Variants in SMPD4 observed in about 807,000 individuals in gnomAD.
The protein encoded by SMPD4 is sphingomyelin phosphodiesterase 4.
A neutral mutation model predicts 97.8 loss-of-function variants in SMPD4; 58 were observed. That is an observed-to-expected ratio of 0.59 (90% confidence interval 0.48 to 0.74). The LOEUF (loss-of-function observed/expected upper bound fraction) is 0.74, where lower values mean the gene tolerates loss of function less well. SMPD4 is among the 30% of genes least tolerant of loss of function. The pLI is 0.00. For synonymous variants in SMPD4, 388 were observed against 450.0 expected (o/e 0.86, Z 1.74); for missense variants, 853 against 1,080.5 (o/e 0.79, Z 2.95).
At chr2:130,158,219 C>T (rs570052677) in intron 11 of SMPD4, 53 of 1,288,830 alleles carry the variant, frequency 4.1e-5, no homozygotes, top group South Asian at 2.3e-4. Flanking sequence ...GATGAGAACT[C>T]GGCCCAGTAG....
At chr2:130,154,039 TGG>T in intron 16 of SMPD4, 104 bp from the exon 17 acceptor site, 1 of 1,208,368 alleles carries the variant, frequency 8.3e-7, no homozygotes, top group Non-Finnish European at 1.2e-6. Context: ...TCAGGAGGAG[TGG>T]CTTCTGCCAG....
intron 1 of SMPD4, chr2:130,181,296 C>T: frequency 7.1e-7 from 1 of 1,402,342 alleles, no homozygotes; most frequent in Non-Finnish European, 9.2e-7. Context: ...GAACACCTAC[C>T]GGACCGGGAC....
intron 11 of SMPD4, 134 bp from the exon 12 acceptor site, chr2:130,157,530 G>A: frequency 4.7e-6 from 7 of 1,496,794 alleles, no homozygotes; most frequent in Non-Finnish European, 5.4e-6. Flanking sequence ...CAGGCCAGGA[G>A]TGGGGCCACC....
chr2:130,181,583 C>T lies in SMPD4; in HGVS notation c.-99G>A, dbSNP rs747631517. 2 of 1,605,696 alleles carry T rather than the reference C, an allele frequency of 1.2e-6. No individual in the cohort carries two copies. The highest frequency in any genetic ancestry group is 1.7e-5 in the Admixed American group (1 of 59,054). On this transcript the variant is annotated 5_prime_UTR_variant, in exon 1 of 20. In the 5' UTR this introduces an upstream ATG that the reference lacks. Coordinates refer to ENST00000680298, the MANE Select transcript of SMPD4 (RefSeq NM_017951.5). ...AGAGATGGAAGCCGCCATTCCGCCA[C>T]GGCGCCGAAAGTCGTCATCAAGCTG...
chr2:130,165,013 G>T (rs1687785471), intron 9 of SMPD4, among the ~76,000 whole-genome samples: 1 of 151,056 alleles, frequency 6.6e-6, no homozygotes, highest in African/African-American at 2.4e-5. Flanking sequence ...GGGAGTCTGA[G>T]GTGGGAGGAT....
intron 14 of SMPD4, 42 bp downstream of exon 14, chr2:130,155,993 G>T (rs771064272): frequency 1.3e-6 from 2 of 1,584,910 alleles, no homozygotes; most frequent in Non-Finnish European, 1.7e-6. Context: ...ATATCCACCT[G>T]GGGGAGCCAG....
At chr2:130,169,087 T>A (rs575917088) in intron 8 of SMPD4, among the ~76,000 whole-genome samples, 203 of 152,254 alleles carry the variant, frequency 1.3e-3, no homozygotes, top group Non-Finnish European at 2.6e-3. Flanking sequence ...GGCACCTTTT[T>A]AACCCAGTGA....
intron 3 of SMPD4, among the ~76,000 whole-genome samples, 200 bp downstream of exon 3, chr2:130,174,714 A>G (rs1688803576): frequency 6.6e-6 from 1 of 152,186 alleles, no homozygotes; most frequent in Non-Finnish European, 1.5e-5. Context: ...TGAGGAACAG[A>G]GCATCTGTGG....
chr2:130,156,679 C>T lies in SMPD4; in HGVS notation c.1098-4G>A, dbSNP rs371885470. The T allele has an allele frequency of 2.7e-5, 44 of 1,612,480 alleles. No individual in the cohort carries two copies. Among genetic ancestry groups the T allele is most frequent in the Non-Finnish European group, 3.5e-5 (41 of 1,179,240 alleles). On this transcript the variant is annotated splice_polypyrimidine_tract_variant and splice_region_variant and intron_variant, in intron 12 of 19. Coordinates refer to ENST00000680298, the MANE Select transcript of SMPD4 (RefSeq NM_017951.5). The stretch of plus-strand genomic sequence containing the variant: ...GACGAACCTCGGGACAGCAGCCCTG[C>T]AGGGGATGGGGAGGGTCACCTGCTG...
chr2:130,175,065 T>C (rs1688841639), intron 2 of SMPD4, 65 bp from the exon 3 acceptor site: 2 of 1,170,698 alleles, frequency 1.7e-6, no homozygotes, highest in Admixed American at 3.4e-5. Context: ...AGTGGCACTC[T>C]GGCTTGAGTC....
In SMPD4 at chr2:130,156,074, G is replaced by T. The variant is rs373921950; in HGVS notation, c.1250C>A (p.Pro417Gln). 1.9e-6 allele frequency: 3 copies of T among 1,611,322 alleles called. No individual in the cohort carries two copies. Among genetic ancestry groups the T allele is most frequent in the Non-Finnish European group, 2.5e-6 (3 of 1,179,910 alleles). The stretch of plus-strand genomic sequence containing the variant: ...ACACCGGGGCTGGGAGTCGCTGCCC[G>T]GAGCCTGCTTGTCAGGCGCGTACCG... ...PWRYAPDKQA[P>Q]GSDSQPRCVS... The change falls in exon 14 of 20, where the codon CCG becomes CAG. Residue 417 changes from proline (P) to glutamine (Q), a missense_variant. Transcript: ENST00000680298.
chr2:130,177,591 G>A (rs572037372), intron 1 of SMPD4, among the ~76,000 whole-genome samples: 12 of 152,010 alleles, frequency 7.9e-5, no homozygotes, highest in African/African-American at 2.9e-4. Context: ...CAGCTACTCA[G>A]GAGGCTGAGA....
chr2:130,154,753 G>A (rs111583358), intron 15 of SMPD4: 12,720 of 581,390 alleles, frequency 0.022, 193 homozygotes, highest in African/African-American at 0.041. Context: ...ACCCAGCCAG[G>A]ATGAATGCAA....
chr2:130,155,665 CAG>C (rs1453396537), intron 14 of SMPD4, among the ~76,000 whole-genome samples: 1 of 151,922 alleles, frequency 6.6e-6, no homozygotes, highest in Non-Finnish European at 1.5e-5. Context: ...GAGGATCAAG[CAG>C]GGGATGAGGG....
intron 12 of SMPD4, 121 bp from the exon 13 acceptor site, chr2:130,156,796 G>T: frequency 2.6e-6 from 4 of 1,548,646 alleles, no homozygotes; most frequent in Non-Finnish European, 3.5e-6. Context: ...GGGCACCTCC[G>T]GGAGGTTCAG....
intron 8 of SMPD4, among the ~76,000 whole-genome samples, chr2:130,172,110 T>C (rs900168046): frequency 2.0e-4 from 30 of 152,162 alleles, no homozygotes; most frequent in Admixed American, 2.6e-4. Flanking sequence ...ATGCAGGCCG[T>C]GGAGGCCTCC....
chr2:130,157,356 C>G lies in SMPD4; in HGVS notation c.992G>C (p.Arg331Pro), dbSNP rs1056031261. ...TPTEEHVLVV[R>P]LLLKHLHAFA... ...GGCGTGCAGGTGCTTCAGCAGCAGGCGCACCACCAACACATGCTCCTCAGT... is the reference window on the plus strand; with the variant it reads ...GGCGTGCAGGTGCTTCAGCAGCAGGGGCACCACCAACACATGCTCCTCAGT... Residue 331 changes from arginine (R) to proline (P), a missense_variant, in exon 12 of 20, where the codon CGC (arginine) becomes CCC (proline). Coordinates refer to ENST00000680298, the MANE Select transcript of SMPD4 (RefSeq NM_017951.5). 2.2e-5 allele frequency: 36 copies of G among 1,603,598 alleles called. No individual in the cohort carries two copies. Among genetic ancestry groups the G allele is most frequent in the Non-Finnish European group, 3.1e-5 (36 of 1,176,236 alleles).
Position 130,166,012 on chromosome 2 carries a change from T to A in SMPD4, c.792+1446A>T, listed in dbSNP as rs529455822. Among the ~76,000 whole-genome samples the A allele has an allele frequency of 2.0e-5, 3 of 152,092 alleles. 1 individual carries two copies. The South Asian group carries it at 6.2e-4, about 32-fold the overall frequency. On this transcript the variant is annotated intron_variant, in intron 9 of 19. Coordinates refer to ENST00000680298, the MANE Select transcript of SMPD4 (RefSeq NM_017951.5). Reference sequence around the variant, plus strand: ...ATGTTATATATATCTTATAATTAAATTTTTTTCTTAGTTAAAAAAACAAAA... The same window carrying A: ...ATGTTATATATATCTTATAATTAAAATTTTTTCTTAGTTAAAAAAACAAAA...
chr2:130,152,912 G>T, intron 19 of SMPD4, 28 bp from the exon 20 acceptor site: 1 of 1,565,020 alleles, frequency 6.4e-7, no homozygotes, highest in South Asian at 1.2e-5. Context: ...GCACGGGGAT[G>T]TGGGGTGGTG....
Sources: allele counts gnomAD v4.1 joint callset (sites outside exome capture counted in the v4.1 genomes callset), GRCh38; gene constraint gnomAD v4.1.1; transcripts MANE v1.5; gene names NCBI Gene and HGNC (gene_info 2026-07-23, HGNC 2026-07-21).